The following CNIH3 variants were observed in gnomAD, a reference collection of about 807,000 sequenced individuals.
CNIH3 encodes protein cornichon homolog 3.
In CNIH3, 14 loss-of-function variants were observed where a neutral mutation model predicts 24.1. That is an observed-to-expected ratio of 0.58 (90% CI 0.38 to 0.91). The LOEUF is 0.91. Among genes scored for constraint, CNIH3 ranks in the 40% least tolerant of loss-of-function variants. CNIH3 has a pLI of 0.00. For missense variants in CNIH3, 178 were observed against 196.8 expected, an observed-to-expected ratio of 0.90 and a Z score of 0.57; for synonymous variants, 68 against 73.8, an observed-to-expected ratio of 0.92 and a Z score of 0.40.
chr1:224,695,736 G>A (rs904363518), intron 3 of CNIH3, among the ~76,000 whole-genome samples: 2 of 152,200 alleles, frequency 1.3e-5, no homozygotes, highest in Admixed American at 1.3e-4. Flanking sequence ...TGAAAAGAAT[G>A]ATGATCGCTC....
chr1:224,441,763 G>A lies in CNIH3; in HGVS notation n.203+6901G>A, dbSNP rs184144174. Among the ~76,000 whole-genome samples the A allele has an allele frequency of 1.5e-3, 228 of 152,200 alleles. 1 individual carries two copies. Among genetic ancestry groups the A allele is most frequent in the Non-Finnish European group, 2.8e-3 (190 of 68,010 alleles). ...ATAAAGTTTAAAAACTTATTGAAGGGATCTCGAGGCTTCTTCAGTTAATTG... is the reference window on the plus strand; with the variant it reads ...ATAAAGTTTAAAAACTTATTGAAGGAATCTCGAGGCTTCTTCAGTTAATTG... On this transcript the variant is annotated intron_variant and non_coding_transcript_variant, in intron 1 of 5. Coordinates refer to the CNIH3 transcript ENST00000471578.
In CNIH3 at chr1:224,533,286, G is replaced by A. The variant is rs747166947; in HGVS notation, n.344-3650G>A. Among the ~76,000 whole-genome samples, 5 of 151,280 alleles carry A rather than the reference G, an allele frequency of 3.3e-5. 1 individual carries two copies. The highest frequency in any genetic ancestry group is 7.3e-5 in the African/African-American group (3 of 41,126). ...AATAAAATTGGCTGAGAGTAGTGGC[G>A]CGCCCTTATATTCCTAGCTACTTGG... On this transcript the variant is annotated intron_variant and non_coding_transcript_variant, in intron 2 of 2. Coordinates refer to the CNIH3 transcript ENST00000470602.
intron 3 of CNIH3, among the ~76,000 whole-genome samples, chr1:224,702,988 G>A (rs1027692235): frequency 3.3e-5 from 5 of 152,086 alleles, no homozygotes; most frequent in Non-Finnish European, 5.9e-5. Flanking sequence ...TTCCATGTCC[G>A]AACCTCATCA....
intron 2 of CNIH3, among the ~76,000 whole-genome samples, chr1:224,535,493 G>A (rs568745417): frequency 6.6e-6 from 1 of 152,302 alleles, no homozygotes; most frequent in African/African-American, 2.4e-5. Context: ...CTTTCATCAA[G>A]GTTAACGTGT....
At chr1:224,501,967 G>C (rs1218019190) in intron 1 of CNIH3, among the ~76,000 whole-genome samples, 1 of 152,184 alleles carries the variant, frequency 6.6e-6, no homozygotes. Context: ...GGAAGGTAGG[G>C]TGGAGGGGCA....
intron 1 of CNIH3, among the ~76,000 whole-genome samples, chr1:224,441,169 A>G (rs533797921): frequency 6.6e-6 from 1 of 152,298 alleles, no homozygotes; most frequent in East Asian, 1.9e-4. Flanking sequence ...GTGAGATTGT[A>G]TATAATTTTT....
At chr1:224,678,011 G>A (rs1178990761) in intron 1 of CNIH3, among the ~76,000 whole-genome samples, 1 of 152,198 alleles carries the variant, frequency 6.6e-6, no homozygotes, top group Non-Finnish European at 1.5e-5. Flanking sequence ...TAGGAATGGT[G>A]AGCTCAGAGC....
At chr1:224,497,685 T>C (rs977495678) in intron 1 of CNIH3, among the ~76,000 whole-genome samples, 1 of 152,216 alleles carries the variant, frequency 6.6e-6, no homozygotes, top group African/African-American at 2.4e-5. Flanking sequence ...CAGGAGGATC[T>C]TGGCACTGAG....
At chr1:224,690,563 A>G (rs1311899741) in intron 3 of CNIH3, among the ~76,000 whole-genome samples, 2 of 152,138 alleles carry the variant, frequency 1.3e-5, no homozygotes, top group African/African-American at 2.4e-5. Context: ...AGGCTGCCCA[A>G]TGTTGGGGAC....
chr1:224,582,422 GT>G lies in CNIH3; in HGVS notation n.517-732del, dbSNP rs547695913. 6.5e-3 allele frequency among the ~76,000 whole-genome samples: 963 copies of G among 149,296 alleles called. 7 individuals are homozygous for G. Among genetic ancestry groups the G allele is most frequent in the Non-Finnish European group, 8.7e-3 (582 of 67,062 alleles). On this transcript the variant is annotated intron_variant and non_coding_transcript_variant, in intron 4 of 5. Coordinates refer to the CNIH3 transcript ENST00000471578. The stretch of plus-strand genomic sequence containing the variant: ...TAAAGATAGAAAAGAACAGAGCACG[GT>G]TTTTTTTTTCCTCCCTAATGTAGCT...
chr1:224,467,994 A>G (rs1456096252), intron 1 of CNIH3, among the ~76,000 whole-genome samples: 1 of 151,002 alleles, frequency 6.6e-6, no homozygotes, highest in Non-Finnish European at 1.5e-5. Flanking sequence ...TAAAAAAATC[A>G]GTTGTACATT....
At chr1:224,443,797 C>G (rs1675030521) in intron 1 of CNIH3, among the ~76,000 whole-genome samples, 1 of 151,862 alleles carries the variant, frequency 6.6e-6, no homozygotes, top group Non-Finnish European at 1.5e-5. Context: ...TCCTCTGTTT[C>G]AGAGACTGCC....
At chr1:224,727,053 A>C (rs758962228) in intron 3 of CNIH3, among the ~76,000 whole-genome samples, 1 of 152,168 alleles carries the variant, frequency 6.6e-6, no homozygotes, top group Non-Finnish European at 1.5e-5. Flanking sequence ...GCCCACACAA[A>C]TGAATGAGCA....
intron 4 of CNIH3, among the ~76,000 whole-genome samples, chr1:224,580,805 CAA>C (rs59069164): frequency 1.7e-5 from 2 of 117,636 alleles, no homozygotes; most frequent in Non-Finnish European, 1.9e-5. Context: ...GACTCTGTCT[CAA>C]AAAAAAAAAA....
At chr1:224,618,619 C>T (rs549716701) in intron 1 of CNIH3, among the ~76,000 whole-genome samples, 2 of 152,164 alleles carry the variant, frequency 1.3e-5, no homozygotes, top group Non-Finnish European at 2.9e-5. Flanking sequence ...TAGGAAAGAC[C>T]CTTGCTGGCT....
chr1:224,493,678 A>G (rs1572355651), intron 1 of CNIH3, among the ~76,000 whole-genome samples: 1 of 152,194 alleles, frequency 6.6e-6, no homozygotes, highest in African/African-American at 2.4e-5. Context: ...TGCTTTTACC[A>G]TATCTTGTAG....
chr1:224,560,595 A>G (rs1419793725), intron 3 of CNIH3, among the ~76,000 whole-genome samples: 2 of 151,800 alleles, frequency 1.3e-5, no homozygotes, highest in African/African-American at 4.8e-5. Context: ...CGTGAACCCT[A>G]TTGTGAGCTG....
chr1:224,624,806 G>A (rs767582783), intron 1 of CNIH3, among the ~76,000 whole-genome samples: 9 of 152,170 alleles, frequency 5.9e-5, no homozygotes, highest in African/African-American at 1.7e-4. Flanking sequence ...ACCAGGTCCC[G>A]GTTAACTGTT....
At chr1:224,568,144 G>A (rs1261464677) in intron 4 of CNIH3, among the ~76,000 whole-genome samples, 2 of 152,226 alleles carry the variant, frequency 1.3e-5, no homozygotes, top group East Asian at 1.9e-4. Flanking sequence ...ACAAAAATTA[G>A]CTGGGCATGG....
Sources: allele counts gnomAD v4.1 joint callset (sites outside exome capture counted in the v4.1 genomes callset), GRCh38; gene constraint gnomAD v4.1.1; transcripts MANE v1.5; gene names NCBI Gene and HGNC (gene_info 2026-07-23, HGNC 2026-07-21).